The following DLC1 variants were observed in gnomAD, a reference collection of about 807,000 sequenced individuals.
DLC1 encodes rho GTPase-activating protein 7.
DLC1 carries 54 observed loss-of-function variants against 140.3 expected under a neutral mutation model. That is an observed-to-expected ratio of 0.38 (90% CI 0.31 to 0.48). DLC1 has a LOEUF of 0.48. DLC1 is among the 20% of genes least tolerant of loss of function. DLC1 has a pLI of 0.96. For missense variants in DLC1, 2,536 were observed against 1,907.0 expected, an observed-to-expected ratio of 1.33 and a Z score of -6.14; for synonymous variants, 986 against 728.1, an observed-to-expected ratio of 1.35 and a Z score of -5.70.
At chr8:13,109,504 C>A (rs1479354590) in intron 7 of DLC1, among the ~76,000 whole-genome samples, 6 of 151,986 alleles carry the variant, frequency 3.9e-5, no homozygotes, top group Non-Finnish European at 8.8e-5. Flanking sequence ...CTGCAGTGAA[C>A]CATGATTGTG....
At chr8:13,263,396 A>T (rs538671066) in intron 5 of DLC1, among the ~76,000 whole-genome samples, 117 of 152,240 alleles carry the variant, frequency 7.7e-4, no homozygotes, top group African/African-American at 2.7e-3. Context: ...TGTTATTATC[A>T]TCTTTAAATA....
chr8:13,233,299 A>T (rs927164875), intron 5 of DLC1, among the ~76,000 whole-genome samples: 1,683 of 42,652 alleles, frequency 0.039, 78 homozygotes, highest in East Asian at 0.18. Context: ...TGTATAAAAA[A>T]AAAAAAAAAA....
At chr8:13,590,990 G>A (rs527995841) in intron 1 of DLC1, among the ~76,000 whole-genome samples, 35 of 151,744 alleles carry the variant, frequency 2.3e-4, no homozygotes, top group Non-Finnish European at 3.7e-4. Context: ...TAATTTCCAG[G>A]CAGCAATAAC....
At chr8:13,276,729 G>T in intron 5 of DLC1, 1 of 480,816 alleles carries the variant, frequency 2.1e-6, no homozygotes, top group Non-Finnish European at 2.8e-6. Context: ...GGGTCACATA[G>T]CAGGTCTTCC....
chr8:13,213,755 G>A lies in DLC1; in HGVS notation c.1348+91514C>T, dbSNP rs527432599. 1.3e-3 allele frequency among the ~76,000 whole-genome samples: 203 copies of A among 150,976 alleles called. 1 individual carries two copies. The highest frequency in any genetic ancestry group is 4.3e-3 in the African/African-American group (179 of 41,156). Reference sequence around the variant, plus strand: ...TAATGAGAATTTGGTAACTTGATGCGTTTCATAAGTGTTTATGTTATGTTT... The same window carrying A: ...TAATGAGAATTTGGTAACTTGATGCATTTCATAAGTGTTTATGTTATGTTT... On this transcript the variant is annotated intron_variant, in intron 5 of 17. Transcript: ENST00000276297.
chr8:13,524,111 A>T (rs1229192106), intron 1 of DLC1, among the ~76,000 whole-genome samples: 19 of 7,958 alleles, frequency 2.4e-3, no homozygotes, highest in East Asian at 0.011. Context: ...TATTCTATTT[A>T]TTATTATTAT....
chr8:13,363,582 TA>T (rs1415894386), intron 4 of DLC1, among the ~76,000 whole-genome samples: 1 of 152,122 alleles, frequency 6.6e-6, no homozygotes, highest in East Asian at 1.9e-4. Flanking sequence ...CAAATTATTG[TA>T]AATTGTTTTA....
intron 5 of DLC1, among the ~76,000 whole-genome samples, chr8:13,227,085 C>T (rs1304587000): frequency 6.6e-6 from 1 of 152,138 alleles, no homozygotes; most frequent in African/African-American, 2.4e-5. Context: ...ATTCTGAATT[C>T]TGTGCTTGCC....
intron 5 of DLC1, among the ~76,000 whole-genome samples, chr8:13,264,977 A>C (rs1277279592): frequency 2.0e-5 from 3 of 152,238 alleles, no homozygotes; most frequent in African/African-American, 7.2e-5. Flanking sequence ...TCAGTCTTCA[A>C]AGTGAACAGA....
intron 1 of DLC1, among the ~76,000 whole-genome samples, chr8:13,526,416 A>G (rs1040101590): frequency 6.6e-6 from 1 of 152,128 alleles, no homozygotes; most frequent in Non-Finnish European, 1.5e-5. Flanking sequence ...TCTTGATAAT[A>G]TTGAGTCTTC....
At chr8:13,554,779 C>T (rs1803983915) in intron 1 of DLC1, among the ~76,000 whole-genome samples, 1 of 152,300 alleles carries the variant, frequency 6.6e-6, no homozygotes, top group Non-Finnish European at 1.5e-5. Flanking sequence ...TCCACCTCCC[C>T]ACTCACAATC....
chr8:13,454,598 C>G (rs1799305275), intron 2 of DLC1, among the ~76,000 whole-genome samples: 1 of 152,108 alleles, frequency 6.6e-6, no homozygotes, highest in Admixed American at 6.6e-5. Context: ...CTCTGTCATC[C>G]AGGCTGGACT....
chr8:13,173,460 C>T (rs1359143071), intron 5 of DLC1, among the ~76,000 whole-genome samples: 1 of 151,398 alleles, frequency 6.6e-6, no homozygotes, highest in Non-Finnish European at 1.5e-5. Flanking sequence ...CAAACTCCGC[C>T]TCCCGTGTTG....
chr8:13,401,762 C>T (rs778257970), intron 2 of DLC1, 143 bp from the exon 3 acceptor site: 67 of 1,033,836 alleles, frequency 6.5e-5, no homozygotes, highest in Non-Finnish European at 8.6e-5. Flanking sequence ...TCTGTATCAT[C>T]AATGGGCTCT....
chr8:13,286,575 ATTCC>A (rs1831542232), intron 5 of DLC1, among the ~76,000 whole-genome samples: 1 of 152,156 alleles, frequency 6.6e-6, no homozygotes. Context: ...ATGGATATAT[ATTCC>A]TTTTCAAGGC....
chr8:13,572,088 A>ATTT (rs142718239), intron 1 of DLC1, among the ~76,000 whole-genome samples: 11 of 60,646 alleles, frequency 1.8e-4, no homozygotes, highest in Non-Finnish European at 2.5e-4. Flanking sequence ...TATTATTATT[A>ATTT]TTATTTATTT....
intron 5 of DLC1, among the ~76,000 whole-genome samples, chr8:13,167,852 C>T (rs1005827735): frequency 5.9e-5 from 9 of 152,112 alleles, no homozygotes; most frequent in Non-Finnish European, 8.8e-5. Context: ...TTTATTAAAC[C>T]GCAATTTAAA....
chr8:13,126,368 T>TACAC (rs3065349), intron 5 of DLC1, among the ~76,000 whole-genome samples: 11,230 of 145,514 alleles, frequency 0.077, 470 homozygotes, highest in Middle Eastern at 0.12. Context: ...TCTCTATCCA[T>TACAC]ACACACACAC....
At chr8:13,420,062 C>T (rs2117340301) in intron 2 of DLC1, among the ~76,000 whole-genome samples, 1 of 151,894 alleles carries the variant, frequency 6.6e-6, no homozygotes, top group Non-Finnish European at 1.5e-5. Context: ...TGGTGATATC[C>T]CCTTTATCAT....
Sources: gnomAD v4.1 joint callset for allele counts (sites outside exome capture counted in the v4.1 genomes callset) on GRCh38, gnomAD v4.1.1 for gene constraint, MANE v1.5 for transcripts, NCBI Gene and HGNC (gene_info 2026-07-23, HGNC 2026-07-21) for gene names.